Variants in ATP2C1 observed in about 807,000 individuals in gnomAD.
ATP2C1 encodes the protein calcium-transporting ATPase type 2C member 1.
ATP2C1 carries 31 observed loss-of-function variants against 120.5 expected under a neutral mutation model. The observed-to-expected ratio is 0.26, with a 90% confidence interval of 0.19 to 0.35. ATP2C1 has a LOEUF of 0.35. Among genes scored for constraint, ATP2C1 ranks in the 10% least tolerant of loss-of-function variants. ATP2C1 has a pLI of 1.00. For synonymous variants in ATP2C1, 351 were observed against 358.7 expected (o/e 0.98, Z 0.24); for missense variants, 731 against 1,107.5 (o/e 0.66, Z 4.83).
chr3:130,924,704 A>G (rs555381066), intron 2 of ATP2C1, among the ~76,000 whole-genome samples: 2 of 152,266 alleles, frequency 1.3e-5, no homozygotes, highest in South Asian at 4.1e-4. Flanking sequence ...AGGAACACGA[A>G]TTATTTTTAG....
chr3:130,942,979 T>C (rs1455782782), intron 8 of ATP2C1, among the ~76,000 whole-genome samples: 2 of 152,188 alleles, frequency 1.3e-5, no homozygotes, highest in Non-Finnish European at 2.9e-5. Context: ...GAACTTCTCA[T>C]TGGGATAGTT....
rs536915890 is a variant in ATP2C1 at position 130,940,398 on chromosome 3, T to C, written c.361-232T>C. Among the ~76,000 whole-genome samples the C allele has an allele frequency of 4.6e-5, 7 of 152,296 alleles. No individual in the cohort carries two copies. The East Asian group carries it at 1.3e-3, about 29-fold the overall frequency. On this transcript the variant is annotated intron_variant, in intron 6 of 27. Transcript: ENST00000510168. ...CATTTTTATTCTAAATAACCTTAGGTTTGTACATTGAATATTAAAATGTAA... is the reference window on the plus strand; with the variant it reads ...CATTTTTATTCTAAATAACCTTAGGCTTGTACATTGAATATTAAAATGTAA...
At chr3:130,893,049 C>G (rs149506409), upstream of ATP2C1, among the ~76,000 whole-genome samples, 168 of 152,292 alleles carry the variant, frequency 1.1e-3, no homozygotes, top group Non-Finnish European at 1.8e-3. Flanking sequence ...AGGATGATCA[C>G]CAACTCAGTA....
chr3:130,921,461 A>C (rs1034631031), intron 2 of ATP2C1, among the ~76,000 whole-genome samples: 2 of 152,106 alleles, frequency 1.3e-5, no homozygotes, highest in African/African-American at 4.8e-5. Flanking sequence ...TTATTGCTTA[A>C]TTGCTTTGGC....
chr3:130,869,584 C>T (rs1358542073), intron 1 of ATP2C1, among the ~76,000 whole-genome samples: 1 of 152,124 alleles, frequency 6.6e-6, no homozygotes, highest in African/African-American at 2.4e-5. Flanking sequence ...AAAAGTGCTA[C>T]TCCAGTGAAC....
intron 1 of ATP2C1, among the ~76,000 whole-genome samples, chr3:130,871,312 G>A (rs952863305): frequency 2.0e-5 from 3 of 152,214 alleles, no homozygotes; most frequent in African/African-American, 7.2e-5. Context: ...CTATTGGCAT[G>A]ATCAAAATAT....
intron 1 of ATP2C1, among the ~76,000 whole-genome samples, chr3:130,888,830 C>T (rs1007921062): frequency 2.6e-5 from 4 of 152,272 alleles, no homozygotes; most frequent in South Asian, 2.1e-4. Context: ...TGATGGTATG[C>T]AGTTAGTTGT....
chr3:130,932,625 G>T (rs1341162636), intron 4 of ATP2C1, among the ~76,000 whole-genome samples: 2 of 152,086 alleles, frequency 1.3e-5, no homozygotes, highest in Non-Finnish European at 2.9e-5. Context: ...CTCAGTAGAT[G>T]ATAGTTATTT....
intron 25 of ATP2C1, 134 bp downstream of exon 25, chr3:130,997,887 TAA>T (rs1577040728): frequency 3.4e-6 from 3 of 872,626 alleles, no homozygotes; most frequent in East Asian, 2.5e-5. Context: ...AAGAACATTT[TAA>T]AAGAGTTTGA....
At position 130,967,313 on chromosome 3, in the gene ATP2C1, A is replaced by T. The variant is rs2108657932; in HGVS notation, c.1219-17A>T. The T allele has an allele frequency of 6.2e-7, 1 of 1,613,128 alleles. No homozygotes were observed. The highest frequency in any genetic ancestry group is 8.5e-7 in the Non-Finnish European group (1 of 1,179,244). On this transcript the variant is annotated splice_polypyrimidine_tract_variant and intron_variant, in intron 15 of 27. Coordinates refer to ENST00000510168, the MANE Select transcript of ATP2C1 (RefSeq NM_001378687.1). ...AGACACAGTGATAGGTTCATAGTTT[A>T]TGTGTATTTTTCTTAGGCGGGCTGT...
intron 16 of ATP2C1, 36 bp from the exon 17 acceptor site, chr3:130,969,256 A>G (rs1260338016): frequency 4.2e-6 from 6 of 1,432,040 alleles, no homozygotes; most frequent in South Asian, 1.1e-5. Context: ...ATAATCACAT[A>G]TAGGTGAGAA....
At chr3:130,939,475 G>A (rs1376944452) in intron 6 of ATP2C1, among the ~76,000 whole-genome samples, 2 of 152,130 alleles carry the variant, frequency 1.3e-5, no homozygotes, top group Admixed American at 6.5e-5. Flanking sequence ...TTAGGTTTTA[G>A]GTGGTATGTT....
intron 11 of ATP2C1, among the ~76,000 whole-genome samples, 163 bp from the exon 12 acceptor site, chr3:130,959,112 C>T (rs1236858165): frequency 2.6e-5 from 4 of 152,122 alleles, no homozygotes; most frequent in Non-Finnish European, 5.9e-5. Context: ...GCAGTGTTAA[C>T]TTTAACCTCC....
At chr3:130,911,385 C>T (rs1296938689) in intron 2 of ATP2C1, among the ~76,000 whole-genome samples, 2 of 150,110 alleles carry the variant, frequency 1.3e-5, no homozygotes, top group African/African-American at 2.5e-5. Flanking sequence ...TTTGTTGATC[C>T]TTTCAAAAAA....
upstream of ATP2C1, among the ~76,000 whole-genome samples, chr3:130,891,796 T>C (rs976368597): frequency 2.6e-5 from 4 of 152,352 alleles, no homozygotes; most frequent in African/African-American, 7.2e-5. Context: ...TACATATATA[T>C]GTGTATATGT....
chr3:130,937,869 G>C (rs1320296346), intron 6 of ATP2C1, among the ~76,000 whole-genome samples: 1 of 152,132 alleles, frequency 6.6e-6, no homozygotes, highest in East Asian at 1.9e-4. Flanking sequence ...AAACAAAAAA[G>C]TATAGAATTA....
chr3:131,007,229 A>ATATATGATG (rs2063150247), downstream of ATP2C1, among the ~76,000 whole-genome samples: 1 of 152,216 alleles, frequency 6.6e-6, no homozygotes, highest in Admixed American at 6.5e-5. Flanking sequence ...ACACGTGAAC[A>ATATATGATG]TATATGATGT....
In ATP2C1 at chr3:130,941,704, A is replaced by G. The variant is rs2108455000; in HGVS notation, c.531+5A>G. The G allele has an allele frequency of 6.2e-7, 1 of 1,605,748 alleles. No individual in the cohort carries two copies. The highest frequency in any genetic ancestry group is 2.2e-5 in the East Asian group (1 of 44,836). The stretch of plus-strand genomic sequence containing the variant: ...GCTGACTTACGCTTGTTTGAGGTAA[A>G]TTTGGGATCTGATTGTAATAAGTGA... On this transcript the variant is annotated splice_donor_5th_base_variant and intron_variant, in intron 8 of 27. Transcript: ENST00000510168.
In ATP2C1 at chr3:130,986,072, T is replaced by C. The variant is rs373685432; in HGVS notation, c.1839+5393T>C. Among the ~76,000 whole-genome samples, 30 of 152,276 alleles carry C rather than the reference T, an allele frequency of 2.0e-4. No homozygotes were observed. In the South Asian group the frequency reaches 5.8e-3, roughly 29 times the overall value. On this transcript the variant is annotated intron_variant, in intron 20 of 27. Transcript: ENST00000510168. ...GCATCTTTCAAGATTATGATCCCAG[T>C]ATGTTGGGATCATAGATGACTGTTG...
Sources: allele counts gnomAD v4.1 joint callset (sites outside exome capture counted in the v4.1 genomes callset), GRCh38; gene constraint gnomAD v4.1.1; transcripts MANE v1.5; gene names NCBI Gene and HGNC (gene_info 2026-07-23, HGNC 2026-07-21).